Variants in SAMMSON observed in about 807,000 individuals in gnomAD.
SAMMSON encodes the protein long intergenic non-protein coding RNA 1212.
intron 4 of SAMMSON, among the ~76,000 whole-genome samples, chr3:70,244,383 T>C (rs916176109): frequency 1.1e-3 from 171 of 152,322 alleles, no homozygotes; most frequent in African/African-American, 3.9e-3. Flanking sequence ...ATGGCAGTCT[T>C]ATGGGCCTGT....
At chr3:70,215,598 C>G (rs1418057031) in intron 4 of SAMMSON, among the ~76,000 whole-genome samples, 1 of 151,994 alleles carries the variant, frequency 6.6e-6, no homozygotes, top group East Asian at 1.9e-4. Context: ...CCTTTGGGAG[C>G]CCCCAGAAAT....
At chr3:70,175,447 A>C (rs1358764488) in intron 4 of SAMMSON, among the ~76,000 whole-genome samples, 1 of 152,056 alleles carries the variant, frequency 6.6e-6, no homozygotes, top group Non-Finnish European at 1.5e-5. Context: ...AATCACTTGA[A>C]CTGTATGAGA....
chr3:70,276,570 G>C (rs1404666136), intron 6 of SAMMSON, among the ~76,000 whole-genome samples: 1 of 152,072 alleles, frequency 6.6e-6, no homozygotes, highest in Admixed American at 6.6e-5. Context: ...TCTGTGCTTT[G>C]TGTTAGACAC....
chr3:70,101,909 A>G (rs2067348032), intron 4 of SAMMSON, among the ~76,000 whole-genome samples: 1 of 152,216 alleles, frequency 6.6e-6, no homozygotes, highest in African/African-American at 2.4e-5. Context: ...AACAATGATT[A>G]AAAGTTATGA....
chr3:70,020,661 A>C (rs1179085263), intron 3 of SAMMSON, among the ~76,000 whole-genome samples: 1 of 152,042 alleles, frequency 6.6e-6, no homozygotes, highest in East Asian at 1.9e-4. Context: ...GATTGAGCCT[A>C]CTTGGATCTC....
At chr3:70,293,688 A>G (rs1702262581) in intron 7 of SAMMSON, among the ~76,000 whole-genome samples, 1 of 152,132 alleles carries the variant, frequency 6.6e-6, no homozygotes, top group South Asian at 2.1e-4. Flanking sequence ...TTCCAGAAAA[A>G]CATTCTATTT....
intron 7 of SAMMSON, among the ~76,000 whole-genome samples, chr3:70,299,136 CA>C (rs1444263303): frequency 1.3e-5 from 2 of 152,020 alleles, no homozygotes; most frequent in African/African-American, 4.8e-5. Context: ...CCTGAATATC[CA>C]AACATAGGTA....
chr3:70,126,451 C>T, intron 4 of SAMMSON: 1 of 680,148 alleles, frequency 1.5e-6, no homozygotes, highest in Non-Finnish European at 2.7e-6. Context: ...GGTCATGCAC[C>T]AACCGTGCCT....
chr3:70,317,159 C>T (rs1469776111), intron 7 of SAMMSON, among the ~76,000 whole-genome samples: 1 of 151,352 alleles, frequency 6.6e-6, no homozygotes, highest in Non-Finnish European at 1.5e-5. Flanking sequence ...ATATATTTCA[C>T]ATCTACACAT....
At chr3:70,323,560 A>G (rs1017518831) in intron 7 of SAMMSON, among the ~76,000 whole-genome samples, 6 of 152,146 alleles carry the variant, frequency 3.9e-5, no homozygotes, top group Non-Finnish European at 5.9e-5. Context: ...GCTTTGAAAC[A>G]TGGCAACTTG....
rs183208562 is a variant in SAMMSON, at chr3:70,276,510, A to G, written n.675-14669A>G. Reference sequence around the variant, plus strand: ...CCAGTGAATTATACGAAATTTTAAGAATTATGATTCATTCCATGTTTATTT... The same window carrying G: ...CCAGTGAATTATACGAAATTTTAAGGATTATGATTCATTCCATGTTTATTT... On this transcript the variant is annotated intron_variant and non_coding_transcript_variant, in intron 6 of 9. Coordinates refer to ENST00000642114, the Ensembl canonical transcript of SAMMSON. Among the ~76,000 whole-genome samples, 13 of 152,298 alleles carry G rather than the reference A, an allele frequency of 8.5e-5. No individual in the cohort carries two copies. In the East Asian group the frequency reaches 2.5e-3, roughly 29 times the overall value.
chr3:70,203,296 T>C (rs1385652981), intron 4 of SAMMSON, among the ~76,000 whole-genome samples: 1 of 152,134 alleles, frequency 6.6e-6, no homozygotes, highest in Non-Finnish European at 1.5e-5. Flanking sequence ...CACTGATTAC[T>C]AAAAGTTTCC....
chr3:70,019,793 G>C (rs2067004109), intron 3 of SAMMSON, among the ~76,000 whole-genome samples: 1 of 151,990 alleles, frequency 6.6e-6, no homozygotes, highest in Non-Finnish European at 1.5e-5. Flanking sequence ...ACAAACAGAA[G>C]TGCTGTTCTT....
At chr3:70,296,980 C>A (rs1362438049) in intron 7 of SAMMSON, among the ~76,000 whole-genome samples, 1 of 151,880 alleles carries the variant, frequency 6.6e-6, no homozygotes, top group East Asian at 1.9e-4. Flanking sequence ...ATCTAATATC[C>A]CCATGCTCCC....
chr3:70,107,873 T>C (rs2067373300), intron 4 of SAMMSON, among the ~76,000 whole-genome samples: 1 of 152,112 alleles, frequency 6.6e-6, no homozygotes, highest in Admixed American at 6.6e-5. Flanking sequence ...ATTGAAGACA[T>C]CCTGCAATGT....
chr3:70,126,695 GTTTTGT>G (rs960274516), intron 4 of SAMMSON: 48 of 259,114 alleles, frequency 1.9e-4, no homozygotes, highest in African/African-American at 6.9e-4. Flanking sequence ...AAGAAGTTAG[GTTTTGT>G]TTTTGTTTTT....
At chr3:70,382,665 G>C (rs766480682) in intron 9 of SAMMSON, among the ~76,000 whole-genome samples, 5 of 149,610 alleles carry the variant, frequency 3.3e-5, no homozygotes, top group Non-Finnish European at 5.9e-5. Context: ...TACTTGTTTA[G>C]TAATTTAGTT....
chr3:70,027,631 T>G (rs1452717612), intron 3 of SAMMSON, among the ~76,000 whole-genome samples: 1 of 152,232 alleles, frequency 6.6e-6, no homozygotes, highest in Non-Finnish European at 1.5e-5. Flanking sequence ...ACTGGTTTAT[T>G]TTAGAATAAC....
intron 2 of SAMMSON, among the ~76,000 whole-genome samples, chr3:70,426,053 C>T (rs1232539710): frequency 1.3e-5 from 2 of 152,156 alleles, no homozygotes; most frequent in African/African-American, 4.8e-5. Context: ...GAAAAGGTAG[C>T]ACATGTGATG....
Sources: gnomAD v4.1 joint callset for allele counts (sites outside exome capture counted in the v4.1 genomes callset) on GRCh38, gnomAD v4.1.1 for gene constraint, MANE v1.5 for transcripts, NCBI Gene and HGNC (gene_info 2026-07-23, HGNC 2026-07-21) for gene names.